The following CD53 variants were observed in gnomAD, a reference collection of about 807,000 sequenced individuals.
The protein encoded by CD53 is CD53 molecule.
A neutral mutation model predicts 27.3 loss-of-function variants in CD53; 20 were observed. The observed-to-expected ratio is 0.73, with a 90% confidence interval of 0.52 to 1.07. The LOEUF (loss-of-function observed/expected upper bound fraction) is 1.07. Among genes scored for constraint, CD53 ranks in the 50% least tolerant of loss-of-function variants. The pLI, the probability that CD53 is intolerant of heterozygous loss-of-function variation, is 0.00. For missense variants in CD53, 216 were observed against 264.0 expected (o/e 0.82, Z 1.26); for synonymous variants, 106 against 105.3 (o/e 1.01, Z -0.04).
Position 110,873,219 on chromosome 1 carries a change from G to A in CD53, c.-47G>A, listed in dbSNP as rs1494324. 34,707 of 152,468 alleles carry A rather than the reference G, an allele frequency of 0.23. 4,659 individuals carry two copies. Among genetic ancestry groups the A allele is most frequent in the Middle Eastern group, 0.39 (116 of 294 alleles). 9.4% of individuals were successfully genotyped at this position (152,468 alleles called of 1,614,324 possible). A position where few individuals can be genotyped will look rare whatever the true frequency, so the allele number is the denominator to read the frequency against. ...TCAAGGATAATCACTAAATTCTGCC[G>A]AAAGGACTGAGGAACGGTGCCTGGA... On this transcript the variant is annotated 5_prime_UTR_variant, in exon 1 of 8. Coordinates refer to ENST00000271324, the MANE Select transcript of CD53 (RefSeq NM_000560.4).
At position 110,896,749 on chromosome 1, in the gene CD53, A is replaced by G; in HGVS notation, c.504+16A>G. The G allele has an allele frequency of 6.2e-7, 1 of 1,608,144 alleles. No homozygotes were observed. Among genetic ancestry groups the G allele is most frequent in the Non-Finnish European group, 8.5e-7 (1 of 1,175,576 alleles). On this transcript the variant is annotated intron_variant, in intron 6 of 7. Coordinates refer to ENST00000271324, the MANE Select transcript of CD53 (RefSeq NM_000560.4). ...AAAAGTGGAGGTAATTTTGTCGGCA[A>G]TGTTTCTGTTATTGACCTCTTTGTT...
At position 110,899,246 on chromosome 1, in the gene CD53, A is replaced by G; in HGVS notation, c.*51A>G. 2 of 1,305,228 alleles carry G rather than the reference A, an allele frequency of 1.5e-6. No individual in the cohort carries two copies. Among genetic ancestry groups the G allele is most frequent in the Non-Finnish European group, 2.2e-6 (2 of 898,932 alleles). The allele number at this position is 1,305,228 out of a possible 1,614,324, so 80.9% of individuals were successfully genotyped here. A position where few individuals can be genotyped will look rare whatever the true frequency, so the allele number is the denominator to read the frequency against. On this transcript the variant is annotated 3_prime_UTR_variant, in exon 8 of 8. Coordinates refer to ENST00000271324, the MANE Select transcript of CD53 (RefSeq NM_000560.4). ...ACTTGTTTCATCTCCGGAAATGCAAAACCATTTATAGCATGAAGCCCTACA... is the reference window on the plus strand; with the variant it reads ...ACTTGTTTCATCTCCGGAAATGCAAGACCATTTATAGCATGAAGCCCTACA...
chr1:110,894,831 C>A, intron 4 of CD53, 129 bp from the exon 5 acceptor site: 1 of 704,918 alleles, frequency 1.4e-6, no homozygotes, highest in South Asian at 1.6e-5. Flanking sequence ...CCTCCCCTCA[C>A]CCTTAGTTCT....
chr1:110,896,294 C>T (rs1320386816), intron 5 of CD53, among the ~76,000 whole-genome samples: 1 of 152,122 alleles, frequency 6.6e-6, no homozygotes, highest in Non-Finnish European at 1.5e-5. Context: ...CCTGTTGCAT[C>T]GTGTAAGCAG....
chr1:110,871,542 G>C (rs570834195), upstream of CD53, among the ~76,000 whole-genome samples: 9 of 152,112 alleles, frequency 5.9e-5, no homozygotes, highest in Non-Finnish European at 1.0e-4. Context: ...GTGCCTGGGA[G>C]AGAGTGGAGC....
At chr1:110,877,675 C>T (rs1436666570) in intron 1 of CD53, among the ~76,000 whole-genome samples, 1 of 152,184 alleles carries the variant, frequency 6.6e-6, no homozygotes, top group Admixed American at 6.5e-5. Flanking sequence ...ATCCTCTCCC[C>T]TAACAGCGAC....
At chr1:110,872,644 A>G (rs1241946386), upstream of CD53, among the ~76,000 whole-genome samples, 2 of 152,190 alleles carry the variant, frequency 1.3e-5, no homozygotes, top group African/African-American at 4.8e-5. Flanking sequence ...TGTCCAATTC[A>G]AGTCTAGAGA....
chr1:110,874,421 T>C (rs547179765), intron 1 of CD53, among the ~76,000 whole-genome samples: 1 of 152,152 alleles, frequency 6.6e-6, no homozygotes, highest in Non-Finnish European at 1.5e-5. Context: ...AAGGAGAATA[T>C]TTGTCTAGCA....
chr1:110,898,988 G>A (rs921229815), intron 7 of CD53, 136 bp from the exon 8 acceptor site: 2 of 634,368 alleles, frequency 3.2e-6, no homozygotes, highest in Non-Finnish European at 5.5e-6. Context: ...GCTCCTGAGA[G>A]AGACTTGAAA....
At chr1:110,894,214 C>A in intron 3 of CD53, 113 bp from the exon 4 acceptor site, 1 of 833,024 alleles carries the variant, frequency 1.2e-6, no homozygotes. Flanking sequence ...CCTGAGGAGG[C>A]AGAACAGGAA....
In CD53 at chr1:110,899,169, A is replaced by G. The variant is rs1657196477; in HGVS notation, c.634A>G (p.Lys212Glu). The change falls in exon 8 of 8, where the codon AAA becomes GAA. Residue 212 changes from lysine to glutamate, a missense_variant. Transcript: ENST00000271324. ...FALTLNCQIDKTSQTIGL is the reference protein window; with the variant it reads ...FALTLNCQIDETSQTIGL The stretch of plus-strand genomic sequence containing the variant: ...ACTGACCCTGAACTGCCAGATTGAC[A>G]AAACCAGCCAGACCATAGGGCTATG... 1 of 1,613,808 alleles carries G rather than the reference A, an allele frequency of 6.2e-7. No homozygotes were observed. Among genetic ancestry groups the G allele is most frequent in the Non-Finnish European group, 8.5e-7 (1 of 1,179,722 alleles).
upstream of CD53, among the ~76,000 whole-genome samples, chr1:110,872,269 C>T (rs570075748): frequency 2.0e-5 from 3 of 152,308 alleles, no homozygotes; most frequent in South Asian, 4.1e-4. Flanking sequence ...CACAGTGTTT[C>T]TCAAAAGGCC....
chr1:110,891,762 T>G (rs563162218), intron 2 of CD53, among the ~76,000 whole-genome samples: 62 of 152,346 alleles, frequency 4.1e-4, no homozygotes, highest in African/African-American at 1.5e-3. Context: ...AACCTGAGAC[T>G]GTGCTCTGGA....
At chr1:110,893,162 A>G (rs1656922926) in intron 3 of CD53, among the ~76,000 whole-genome samples, 1 of 152,216 alleles carries the variant, frequency 6.6e-6, no homozygotes, top group South Asian at 2.1e-4. Flanking sequence ...ACTGAGCTCT[A>G]CATTTCTGTA....
chr1:110,872,099 A>C (rs1655986258), upstream of CD53, among the ~76,000 whole-genome samples: 1 of 152,164 alleles, frequency 6.6e-6, no homozygotes, highest in African/African-American at 2.4e-5. Flanking sequence ...CTATCTGTTC[A>C]TTTATAAGAT....
chr1:110,898,662 T>TA (rs1446998966), intron 7 of CD53, among the ~76,000 whole-genome samples: 1 of 149,102 alleles, frequency 6.7e-6, no homozygotes, highest in African/African-American at 2.5e-5. Flanking sequence ...TCCTTTTTAA[T>TA]AAAAAAGGAC....
intron 1 of CD53, among the ~76,000 whole-genome samples, chr1:110,885,347 G>C (rs1656534101): frequency 6.6e-6 from 1 of 151,886 alleles, no homozygotes; most frequent in East Asian, 1.9e-4. Context: ...TCAGGAGATC[G>C]AGACCACGGG....
upstream of CD53, among the ~76,000 whole-genome samples, chr1:110,872,761 T>C (rs1160271734): frequency 3.9e-5 from 6 of 152,204 alleles, no homozygotes; most frequent in African/African-American, 1.4e-4. Context: ...GGTTCCTGTG[T>C]TCCCCTCCAG....
In CD53 at chr1:110,897,820, G is replaced by T; in HGVS notation, c.516G>T (p.Ala172=). 6.2e-7 allele frequency: 1 copy of T among 1,607,126 alleles called. No homozygotes were observed. The highest frequency in any genetic ancestry group is 8.5e-7 in the Non-Finnish European group (1 of 1,174,170). Residue 172 remains alanine (A), a synonymous_variant, in exon 7 of 8, where the codon GCG becomes GCT. Transcript: ENST00000271324. ...PSDRKVEGCY[A]KARLWFHSNF... ...GAAATGTCTTCTAGGGTTGCTATGCGAAAGCAAGACTGTGGTTTCATTCCA... is the reference window on the plus strand; with the variant it reads ...GAAATGTCTTCTAGGGTTGCTATGCTAAAGCAAGACTGTGGTTTCATTCCA...
Sources: allele counts gnomAD v4.1 joint callset (sites outside exome capture counted in the v4.1 genomes callset), GRCh38; gene constraint gnomAD v4.1.1; transcripts MANE v1.5; gene names NCBI Gene and HGNC (gene_info 2026-07-23, HGNC 2026-07-21).